Variants in FANCI observed in about 807,000 individuals in gnomAD.
FANCI encodes FA complementation group I.
A neutral mutation model predicts 176.1 loss-of-function variants in FANCI; 156 were observed. The observed-to-expected ratio is 0.89, with a 90% confidence interval of 0.78 to 1.01. FANCI has a LOEUF of 1.01. Among genes scored for constraint, FANCI ranks in the 50% least tolerant of loss-of-function variants. The pLI, the probability that FANCI is intolerant of heterozygous loss-of-function variation, is 0.00. For synonymous variants in FANCI, 613 were observed against 541.7 expected (o/e 1.13, Z -1.83); for missense variants, 1,678 against 1,534.1 (o/e 1.09, Z -1.57).
At chr15:89,258,923 C>G in intron 3 of FANCI, 147 bp downstream of exon 3, 1 of 688,108 alleles carries the variant, frequency 1.5e-6, no homozygotes. Context: ...GCAGCAGTTT[C>G]CTGTCTAGTG....
rs2055271240 is a variant in FANCI at position 89,316,545 on chromosome 15, C to T, written c.*86C>T. The T allele has an allele frequency of 1.5e-6, 2 of 1,377,378 alleles. No individual in the cohort carries two copies. Among genetic ancestry groups the T allele is most frequent in the South Asian group, 1.2e-5 (1 of 81,672 alleles). 85.3% of individuals were successfully genotyped at this position (1,377,378 alleles called of 1,614,324 possible). A position where few individuals can be genotyped will look rare whatever the true frequency, so the allele number is the denominator to read the frequency against. On this transcript the variant is annotated 3_prime_UTR_variant, in exon 38 of 38. Coordinates refer to ENST00000310775, the MANE Select transcript of FANCI (RefSeq NM_001113378.2). ...ACAATGCCCCTTGTCCTGTAGTCCA[C>T]ACCGATGTTGGCATCTTGGTTCTGA...
intron 14 of FANCI, among the ~76,000 whole-genome samples, chr15:89,280,108 G>A (rs941148066): frequency 6.6e-6 from 1 of 152,082 alleles, no homozygotes; most frequent in Non-Finnish European, 1.5e-5. Context: ...TGCAACCTCC[G>A]CCTCCCGGGT....
chr15:89,251,239 G>C (rs1292474939), intron 2 of FANCI, among the ~76,000 whole-genome samples: 1 of 152,108 alleles, frequency 6.6e-6, no homozygotes, highest in Non-Finnish European at 1.5e-5. Context: ...GGCACGTACA[G>C]TTTAATAAAA....
chr15:89,297,364 C>T (rs1256258363), intron 24 of FANCI, among the ~76,000 whole-genome samples: 1 of 152,110 alleles, frequency 6.6e-6, no homozygotes, highest in Non-Finnish European at 1.5e-5. Context: ...GGGGTGGCGG[C>T]TGGGCAGAGG....
chr15:89,306,062 C>G lies in FANCI; in HGVS notation c.3405C>G (p.Ile1135Met). 1.9e-6 allele frequency: 3 copies of G among 1,614,224 alleles called. No individual in the cohort carries two copies. The highest frequency in any genetic ancestry group is 3.3e-4 in the Middle Eastern group (2 of 6,062). ...LPNQPVEKAIIMQLGTLLTFF... is the reference protein window; with the variant it reads ...LPNQPVEKAIMMQLGTLLTFF... ...ATCAGCCTGTTGAGAAAGCTATCAT[C>G]ATGCAACTGGGAACTCTGCTTACAT... The change falls in exon 32 of 38, where the codon ATC (isoleucine) becomes ATG (methionine). Residue 1135 changes from isoleucine (I) to methionine (M), a missense_variant. Physicochemically the swap from Ile to Met is conservative, Grantham distance 10. This residue lies in a region of FANCI where 1,204 missense variants were observed against 1,077.4 expected (regional missense o/e 1.12). Coordinates refer to ENST00000310775, the MANE Select transcript of FANCI (RefSeq NM_001113378.2).
chr15:89,295,653 C>G (rs1191218228), intron 24 of FANCI, among the ~76,000 whole-genome samples: 1 of 151,118 alleles, frequency 6.6e-6, no homozygotes, highest in Non-Finnish European at 1.5e-5. Context: ...GCAACAAGAG[C>G]GAAACTCCAT....
chr15:89,273,816 T>G (rs1042839309), intron 11 of FANCI, among the ~76,000 whole-genome samples: 4 of 152,092 alleles, frequency 2.6e-5, no homozygotes, highest in Non-Finnish European at 4.4e-5. Flanking sequence ...TTTCCAAGAG[T>G]AGGTTAGTTG....
Position 89,303,872 on chromosome 15 carries a change from G to C in FANCI, c.3015G>C (p.Gln1005His). The change falls in exon 28 of 38, where the codon CAG becomes CAC. Residue 1005 changes from glutamine to histidine, a missense_variant. Around this residue, in one of 3 missense-constraint regions of FANCI, gnomAD observed 1,204 missense variants for 1,077.4 expected, o/e 1.12. Transcript: ENST00000310775. ...AATGATCTCTAATTTAGTTTGTGCA[G>C]ATGTTATCCTGGACATCAAAGATTT... is the stretch of plus-strand genomic sequence containing the variant. ...LLEPSSPQFV[Q>H]MLSWTSKICK... The C allele has an allele frequency of 6.2e-7, 1 of 1,613,944 alleles. No individual in the cohort carries two copies. The highest frequency in any genetic ancestry group is 8.5e-7 in the Non-Finnish European group (1 of 1,179,842).
intron 10 of FANCI, among the ~76,000 whole-genome samples, chr15:89,271,558 T>C (rs528997881): frequency 6.6e-6 from 1 of 152,310 alleles, no homozygotes; most frequent in Admixed American, 6.5e-5. Flanking sequence ...GAGTGCAATA[T>C]CATGATCATG....
chr15:89,257,311 G>A (rs9806665), intron 2 of FANCI, among the ~76,000 whole-genome samples: 4,183 of 152,056 alleles, frequency 0.028, 157 homozygotes, highest in African/African-American at 0.088. Flanking sequence ...TTTCTTCATC[G>A]CCTGTATTAG....
chr15:89,248,515 G>C (rs563555900), intron 2 of FANCI, among the ~76,000 whole-genome samples: 9 of 141,344 alleles, frequency 6.4e-5, no homozygotes, highest in Non-Finnish European at 1.3e-4. Flanking sequence ...ATGCAGTGTT[G>C]CTCTTTGATT....
chr15:89,268,264 T>C (rs2053054952), intron 9 of FANCI, 135 bp from the exon 10 acceptor site: 1 of 916,012 alleles, frequency 1.1e-6, no homozygotes, highest in Non-Finnish European at 1.8e-6. Context: ...GGCTGATTTT[T>C]TTGTATTTTT....
In FANCI at chr15:89,305,381, A is replaced by G; in HGVS notation, c.3227A>G (p.Asn1076Ser). The change falls in exon 30 of 38, where the codon AAT becomes AGT. Residue 1076 changes from asparagine (N) to serine (S), a missense_variant. By Grantham distance (46) the Asn-to-Ser change is conservative. Around this residue, in one of 3 missense-constraint regions of FANCI, gnomAD observed 1,204 missense variants for 1,077.4 expected, o/e 1.12. Coordinates refer to ENST00000310775, the MANE Select transcript of FANCI (RefSeq NM_001113378.2). ...VEKTNHFAIV[N>S]LRTAAPTVCL... ...AAAACAAACCACTTTGCAATAGTGA[A>G]TTTGAGAACGGCTGCCCCCACTGTC... is the stretch of plus-strand genomic sequence containing the variant. 1.2e-6 allele frequency: 2 copies of G among 1,613,912 alleles called. No individual in the cohort carries two copies. Among genetic ancestry groups the G allele is most frequent in the East Asian group, 2.2e-5 (1 of 44,878 alleles).
rs2055133836 is a variant in FANCI at position 89,314,717 on chromosome 15, C to T, written c.3816+10C>T. 1 of 1,582,388 alleles carries T rather than the reference C, an allele frequency of 6.3e-7. No homozygotes were observed. Among genetic ancestry groups the T allele is most frequent in the African/African-American group, 1.3e-5 (1 of 74,326 alleles). ...TTCTAAGAAGTCCAAGGTAAACATT[C>T]TCTTATTATGTGCTACCATTCCCAT... On this transcript the variant is annotated intron_variant, in intron 36 of 37. Coordinates refer to ENST00000310775, the MANE Select transcript of FANCI (RefSeq NM_001113378.2).
chr15:89,273,679 C>T (rs1399786927), intron 11 of FANCI, among the ~76,000 whole-genome samples: 3 of 152,160 alleles, frequency 2.0e-5, no homozygotes, highest in Non-Finnish European at 2.9e-5. Flanking sequence ...GTTTATTCCT[C>T]CGTTTCCTGT....
At position 89,281,253 on chromosome 15, in the gene FANCI, TCCTTTCTGC is replaced by T; in HGVS notation, c.1468_1476del (p.Phe490_Pro492del). The T allele has an allele frequency of 1.2e-6, 2 of 1,613,952 alleles. No individual in the cohort carries two copies. The highest frequency in any genetic ancestry group is 1.7e-6 in the Non-Finnish European group (2 of 1,179,878). Reference sequence around the variant, plus strand: ...AGTCACAGAAGCTTTTGACTATTTGTCCTTTCTGCCCCTTCAGACTGTACAAAGGCTGCT... The same window carrying T: ...AGTCACAGAAGCTTTTGACTATTTGTCCCTTCAGACTGTACAAAGGCTGCT... On this transcript the variant is annotated inframe_deletion, in exon 15 of 38. Coordinates refer to ENST00000310775, the MANE Select transcript of FANCI (RefSeq NM_001113378.2).
At chr15:89,247,069 C>CTT (rs762096766) in intron 1 of FANCI, among the ~76,000 whole-genome samples, 155 of 135,892 alleles carry the variant, frequency 1.1e-3, no homozygotes, top group African/African-American at 3.8e-3. Context: ...GTGCCGGCCT[C>CTT]TTTTTTTTTT....
chr15:89,309,694 A>G (rs754612139), intron 34 of FANCI, among the ~76,000 whole-genome samples: 1 of 152,234 alleles, frequency 6.6e-6, no homozygotes, highest in Non-Finnish European at 1.5e-5. Context: ...CTGTACTCCA[A>G]GGCAACAGCG....
intron 3 of FANCI, among the ~76,000 whole-genome samples, chr15:89,260,060 T>G (rs2052650780): frequency 6.6e-6 from 1 of 152,216 alleles, no homozygotes; most frequent in South Asian, 2.1e-4. Flanking sequence ...CCAAACTGTT[T>G]TCCAATGTGG....
Sources: gnomAD v4.1 joint callset for allele counts (sites outside exome capture counted in the v4.1 genomes callset) on GRCh38, gnomAD v4.1.1 for gene constraint, gnomAD v4.1.1 regional missense constraint, MANE v1.5 for transcripts, NCBI Gene and HGNC (gene_info 2026-07-23, HGNC 2026-07-21) for gene names.